Variants in ZDHHC14 observed in about 807,000 individuals in gnomAD.
The protein encoded by ZDHHC14 is zDHHC palmitoyltransferase 14.
ZDHHC14 carries 16 observed loss-of-function variants against 47.7 expected under a neutral mutation model. The observed-to-expected ratio is 0.34, with a 90% CI of 0.23 to 0.51. The LOEUF (loss-of-function observed/expected upper bound fraction) is 0.51, where lower values mean the gene tolerates loss of function less well. Among genes scored for constraint, ZDHHC14 ranks in the 20% least tolerant of loss-of-function variants. ZDHHC14 has a pLI of 0.97. For missense variants in ZDHHC14, 515 were observed against 662.5 expected (o/e 0.78, Z 2.44); for synonymous variants, 293 against 278.9 (o/e 1.05, Z -0.50).
intron 1 of ZDHHC14, among the ~76,000 whole-genome samples, chr6:157,468,553 G>A (rs147614727): frequency 6.6e-6 from 1 of 152,312 alleles, no homozygotes; most frequent in Non-Finnish European, 1.5e-5. Flanking sequence ...TCTCTTGATA[G>A]CAAGAAGCTC....
chr6:157,656,224 G>A (rs879577036), intron 8 of ZDHHC14, among the ~76,000 whole-genome samples: 3 of 152,226 alleles, frequency 2.0e-5, no homozygotes, highest in Non-Finnish European at 4.4e-5. Context: ...AAGGCACCGG[G>A]CTGTGATGGA....
intron 1 of ZDHHC14, among the ~76,000 whole-genome samples, chr6:157,489,667 G>A (rs1279275232): frequency 2.0e-5 from 3 of 152,222 alleles, no homozygotes; most frequent in African/African-American, 7.2e-5. Context: ...CCGTGTGGCA[G>A]ATCTGCAGAT....
chr6:157,517,836 A>T (rs1035139382), intron 1 of ZDHHC14, among the ~76,000 whole-genome samples: 3 of 152,192 alleles, frequency 2.0e-5, no homozygotes, highest in Non-Finnish European at 4.4e-5. Context: ...GTATCTTTCA[A>T]CTAGATAGTG....
chr6:157,420,139 C>T (rs1280118001), intron 1 of ZDHHC14, among the ~76,000 whole-genome samples: 1 of 152,098 alleles, frequency 6.6e-6, no homozygotes, highest in Non-Finnish European at 1.5e-5. Context: ...AAAGCAGAAT[C>T]GAGGCACTGA....
intron 1 of ZDHHC14, among the ~76,000 whole-genome samples, chr6:157,461,804 G>A (rs1248015415): frequency 6.6e-6 from 1 of 152,152 alleles, no homozygotes; most frequent in African/African-American, 2.4e-5. Flanking sequence ...CCATCCAGCC[G>A]CTGGGTGCAC....
At chr6:157,547,517 T>C (rs1782023266) in intron 2 of ZDHHC14, among the ~76,000 whole-genome samples, 1 of 151,296 alleles carries the variant, frequency 6.6e-6, no homozygotes, top group Admixed American at 6.6e-5. Flanking sequence ...TTGCTGGGCT[T>C]TTCCCGCATC....
chr6:157,677,912 T>C lies in ZDHHC14; in HGVS notation c.*4790T>C, dbSNP rs1370928024. On this transcript the variant is annotated 3_prime_UTR_variant, in exon 9 of 9. Transcript: ENST00000359775. ...TTTTTCCCAGAGCATTCTGGGTTGATATTTCACAGTCAAACGTTTTGGCAT... is the reference window on the plus strand; with the variant it reads ...TTTTTCCCAGAGCATTCTGGGTTGACATTTCACAGTCAAACGTTTTGGCAT... 1.4e-5 allele frequency: 2 copies of C among 147,846 alleles called. No individual in the cohort carries two copies. The highest frequency in any genetic ancestry group is 4.4e-4 in the South Asian group (2 of 4,522). The allele number at this position is 147,846 out of a possible 1,614,324, so 9.2% of individuals were successfully genotyped here. A position where few individuals can be genotyped will look rare whatever the true frequency, so the allele number is the denominator to read the frequency against.
At chr6:157,454,572 C>T (rs1778871327) in intron 1 of ZDHHC14, among the ~76,000 whole-genome samples, 1 of 149,546 alleles carries the variant, frequency 6.7e-6, no homozygotes. Flanking sequence ...GTGATCCTAG[C>T]TCACTGCAGC....
rs145536243 is a variant in ZDHHC14, at chr6:157,532,692, G to A, written c.246-9893G>A. ...GGTACAGACCAGAGCTGAGATAGGA[G>A]ATAACCTGGGTTTTGCCTTCTCAAA... On this transcript the variant is annotated intron_variant, in intron 1 of 8. Transcript: ENST00000359775. 3.4e-3 allele frequency among the ~76,000 whole-genome samples: 514 copies of A among 152,336 alleles called. 3 individuals are homozygous for A. The highest frequency in any genetic ancestry group is 0.011 in the African/African-American group (477 of 41,582).
intron 3 of ZDHHC14, among the ~76,000 whole-genome samples, chr6:157,602,686 C>T (rs1022527291): frequency 3.3e-5 from 5 of 152,040 alleles, no homozygotes; most frequent in Middle Eastern, 6.8e-3. Context: ...TCCAGCCTGG[C>T]GGGGTGTGTG....
intron 8 of ZDHHC14, among the ~76,000 whole-genome samples, chr6:157,668,379 T>C (rs1191420668): frequency 6.6e-6 from 1 of 152,070 alleles, no homozygotes; most frequent in African/African-American, 2.4e-5. Flanking sequence ...TCTATATAGA[T>C]TTTTTAAATT....
intron 1 of ZDHHC14, among the ~76,000 whole-genome samples, chr6:157,467,892 A>G (rs961247500): frequency 6.6e-5 from 10 of 152,114 alleles, no homozygotes; most frequent in African/African-American, 2.2e-4. Context: ...CATCATATTT[A>G]TACATATATC....
At position 157,381,575 on chromosome 6, in the gene ZDHHC14, C is replaced by T. The variant is rs1265019877; in HGVS notation, c.-447C>T. The T allele has an allele frequency of 2.5e-6, 1 of 400,206 alleles. No individual in the cohort carries two copies. 24.8% of individuals were successfully genotyped at this position (400,206 alleles called of 1,614,324 possible). Reference sequence around the variant, plus strand: ...GCCGCAGAAGTGGCTCCCGAGGAAGCCGGCGCCGGGGCCGCCGCCTCGTGT... The same window carrying T: ...GCCGCAGAAGTGGCTCCCGAGGAAGTCGGCGCCGGGGCCGCCGCCTCGTGT... On this transcript the variant is annotated 5_prime_UTR_variant, in exon 1 of 9. Coordinates refer to ENST00000359775, the MANE Select transcript of ZDHHC14 (RefSeq NM_024630.3).
At chr6:157,484,314 T>TACGTATATATACATTATACGTATATATAC (rs1779713427) in intron 1 of ZDHHC14, among the ~76,000 whole-genome samples, 1 of 104,094 alleles carries the variant, frequency 9.6e-6, no homozygotes, top group Non-Finnish European at 2.1e-5. Flanking sequence ...TACATATATA[T>TACGTATATATACATTATACGTATATATAC]ACACATATAT....
chr6:157,425,781 C>T (rs959614214), intron 1 of ZDHHC14, among the ~76,000 whole-genome samples: 1 of 152,168 alleles, frequency 6.6e-6, no homozygotes, highest in Non-Finnish European at 1.5e-5. Flanking sequence ...TGGCCAGATG[C>T]TGCATTTTGC....
intron 1 of ZDHHC14, among the ~76,000 whole-genome samples, chr6:157,410,985 G>A (rs1443420208): frequency 2.0e-5 from 3 of 152,180 alleles, no homozygotes; most frequent in Non-Finnish European, 4.4e-5. Context: ...GTGAGCCACC[G>A]CGCCTGGCCT....
At position 157,521,876 on chromosome 6, in the gene ZDHHC14, T is replaced by G. The variant is rs189739230; in HGVS notation, c.246-20709T>G. On this transcript the variant is annotated intron_variant, in intron 1 of 8. Coordinates refer to ENST00000359775, the MANE Select transcript of ZDHHC14 (RefSeq NM_024630.3). ...CTAGGAACCAAGGAGCAGCTCTGAC[T>G]TCTAGATTGACTGGATCAGGCTTCC... is the stretch of plus-strand genomic sequence containing the variant. 5.9e-5 allele frequency among the ~76,000 whole-genome samples: 9 copies of G among 152,346 alleles called. No homozygotes were observed. The East Asian group carries it at 1.7e-3, about 29-fold the overall frequency.
chr6:157,638,791 G>A (rs1442168068), intron 5 of ZDHHC14, among the ~76,000 whole-genome samples: 1 of 152,240 alleles, frequency 6.6e-6, no homozygotes, highest in Non-Finnish European at 1.5e-5. Context: ...AAAAGACACA[G>A]CCTGTGCTTG....
rs191841422 is a variant in ZDHHC14, at chr6:157,549,638, G to A, written c.406+6893G>A. ...TGGCAGCTCGGGATGTCGAGATTCC[G>A]ATGTCCCTTTAACAAGAAACCCCAG... On this transcript the variant is annotated intron_variant, in intron 2 of 8. Coordinates refer to ENST00000359775, the MANE Select transcript of ZDHHC14 (RefSeq NM_024630.3). Among the ~76,000 whole-genome samples the A allele has an allele frequency of 3.6e-4, 55 of 152,276 alleles. 1 individual carries two copies. The East Asian group carries it at 9.8e-3, about 27-fold the overall frequency.
Sources: allele counts gnomAD v4.1 joint callset (sites outside exome capture counted in the v4.1 genomes callset), GRCh38; gene constraint gnomAD v4.1.1; transcripts MANE v1.5; gene names NCBI Gene and HGNC (gene_info 2026-07-23, HGNC 2026-07-21).